Variants in SPAG16 observed in about 807,000 individuals in gnomAD.
SPAG16 encodes the protein sperm associated antigen 16, also known as sperm-associated antigen 16 protein.
In SPAG16, 86 loss-of-function variants were observed where a neutral mutation model predicts 80.4. The ratio of observed to expected loss-of-function variants is 1.07; its 90% CI spans 0.90 to 1.28. The LOEUF is 1.28. Among genes scored for constraint, SPAG16 ranks in the 50% most tolerant of loss-of-function variants. The probability of loss-of-function intolerance (pLI) is 0.00; values close to 1 mark genes in which losing one functional copy is unlikely to be tolerated. For missense variants in SPAG16, 870 were observed against 765.3 expected (o/e 1.14, Z -1.61); for synonymous variants, 294 against 265.9 (o/e 1.11, Z -1.03).
At chr2:214,047,194 C>G (rs1180820594) in intron 13 of SPAG16, among the ~76,000 whole-genome samples, 1 of 152,062 alleles carries the variant, frequency 6.6e-6, no homozygotes, top group Non-Finnish European at 1.5e-5. Flanking sequence ...TCCTAATATT[C>G]ATATGGAACC....
In SPAG16 at chr2:213,354,688, T is replaced by G. The variant is rs547163427; in HGVS notation, c.762+4043T>G. On this transcript the variant is annotated intron_variant, in intron 7 of 15. Coordinates refer to ENST00000331683, the MANE Select transcript of SPAG16 (RefSeq NM_024532.5). ...CTGTTGGCTGCATAAATGTCTTCTT[T>G]TGAGAAGTATCTGTTCATATACTTT... Among the ~76,000 whole-genome samples, 41 of 152,332 alleles carry G rather than the reference T, an allele frequency of 2.7e-4. No homozygotes were observed. The South Asian group carries it at 8.5e-3, about 32-fold the overall frequency.
chr2:213,461,945 C>G (rs1322452301), intron 9 of SPAG16, among the ~76,000 whole-genome samples: 1 of 151,970 alleles, frequency 6.6e-6, no homozygotes, highest in Non-Finnish European at 1.5e-5. Context: ...TAGTATTCTG[C>G]TTACTAAACT....
rs201948301 is a variant in SPAG16, at chr2:213,555,350, G to A, written c.1070+65260G>A. On this transcript the variant is annotated intron_variant, in intron 10 of 15. Transcript: ENST00000331683. ...TAATTGGATCATGGGGGCAGCTTCC[G>A]ACACACTGTTCTCATGATAGTAAGT... 5.9e-5 allele frequency among the ~76,000 whole-genome samples: 9 copies of A among 152,202 alleles called. No individual in the cohort carries two copies. The East Asian group carries it at 1.2e-3, about 20-fold the overall frequency.
At chr2:214,339,834 T>C (rs1366779105) in intron 15 of SPAG16, among the ~76,000 whole-genome samples, 1 of 152,142 alleles carries the variant, frequency 6.6e-6, no homozygotes, top group Non-Finnish European at 1.5e-5. Context: ...CAAAAGGGGT[T>C]TTGTAGATGT....
At chr2:213,810,027 C>A (rs2072033838) in intron 10 of SPAG16, among the ~76,000 whole-genome samples, 1 of 152,130 alleles carries the variant, frequency 6.6e-6, no homozygotes. Context: ...CCTAAGGGGG[C>A]TGACAGGTCA....
At chr2:214,191,254 C>T (rs1228240106) in intron 15 of SPAG16, among the ~76,000 whole-genome samples, 2 of 152,104 alleles carry the variant, frequency 1.3e-5, no homozygotes, top group African/African-American at 4.8e-5. Context: ...TTCAATAATG[C>T]TTATCAGAAC....
chr2:213,329,756 A>C (rs1172898253), intron 5 of SPAG16, among the ~76,000 whole-genome samples: 6 of 152,206 alleles, frequency 3.9e-5, no homozygotes, highest in Non-Finnish European at 8.8e-5. Context: ...AAATGTCTCC[A>C]GGGCATGTCA....
At chr2:214,094,644 A>G (rs900431343) in intron 13 of SPAG16, among the ~76,000 whole-genome samples, 5 of 152,142 alleles carry the variant, frequency 3.3e-5, no homozygotes, top group Non-Finnish European at 7.4e-5. Flanking sequence ...CTTGAGACCT[A>G]CTCACAGAAC....
intron 15 of SPAG16, among the ~76,000 whole-genome samples, chr2:214,247,928 T>G (rs1689967126): frequency 6.6e-6 from 1 of 151,862 alleles, no homozygotes; most frequent in Admixed American, 6.6e-5. Context: ...CTCAGGATGC[T>G]GAAGCAGCAG....
At chr2:214,275,145 C>T (rs891616466) in intron 15 of SPAG16, among the ~76,000 whole-genome samples, 22 of 152,050 alleles carry the variant, frequency 1.4e-4, no homozygotes, top group Non-Finnish European at 2.5e-4. Flanking sequence ...TGGTGATATC[C>T]GCTTTACCAT....
At chr2:214,108,439 TCACACACA>T (rs71037342) in intron 14 of SPAG16, among the ~76,000 whole-genome samples, 178 bp downstream of exon 14, 10 of 125,030 alleles carry the variant, frequency 8.0e-5, no homozygotes, top group East Asian at 2.4e-4. Context: ...ATTTTAAAAT[TCACACACA>T]CACACACACA....
chr2:214,325,103 G>A (rs1049645598), intron 15 of SPAG16, among the ~76,000 whole-genome samples: 3 of 152,166 alleles, frequency 2.0e-5, no homozygotes, highest in Non-Finnish European at 4.4e-5. Flanking sequence ...CAATGGTGAT[G>A]TTTGTCATAA....
intron 15 of SPAG16, among the ~76,000 whole-genome samples, chr2:214,404,960 A>G (rs923491773): frequency 3.3e-5 from 5 of 152,160 alleles, no homozygotes; most frequent in Non-Finnish European, 7.3e-5. Context: ...CAAGAACATG[A>G]GTATTTTAGT....
At chr2:213,986,723 A>G (rs969039245) in intron 12 of SPAG16, among the ~76,000 whole-genome samples, 3 of 151,792 alleles carry the variant, frequency 2.0e-5, no homozygotes, top group Non-Finnish European at 4.4e-5. Context: ...GAGACATAAT[A>G]GGTTTTAAAC....
chr2:213,960,217 C>T (rs189099909), intron 12 of SPAG16, among the ~76,000 whole-genome samples: 116 of 152,098 alleles, frequency 7.6e-4, no homozygotes, highest in African/African-American at 2.5e-3. Flanking sequence ...CATTTCTTTT[C>T]GGATTTTCTC....
intron 10 of SPAG16, among the ~76,000 whole-genome samples, chr2:213,615,535 G>T (rs1034971837): frequency 6.6e-6 from 1 of 152,112 alleles, no homozygotes; most frequent in African/African-American, 2.4e-5. Flanking sequence ...AGGTTGCAGC[G>T]AGCTGAGATC....
At chr2:213,943,663 T>A (rs2079311587) in intron 12 of SPAG16, among the ~76,000 whole-genome samples, 1 of 152,206 alleles carries the variant, frequency 6.6e-6, no homozygotes, top group Non-Finnish European at 1.5e-5. Flanking sequence ...TCCTCCTGAC[T>A]GCTTATAGTA....
chr2:213,901,447 C>T lies in SPAG16; in HGVS notation c.1215-28513C>T, dbSNP rs371242337. 2.0e-5 allele frequency among the ~76,000 whole-genome samples: 3 copies of T among 152,144 alleles called. No individual in the cohort carries two copies. In the South Asian group the frequency reaches 6.2e-4, roughly 31 times the overall value. ...ATTGAGCAATAGCCTCAACAACAAC[C>T]TTTCAGTAATGCCCATAAGACCATG... On this transcript the variant is annotated intron_variant, in intron 11 of 15. Transcript: ENST00000331683.
intron 15 of SPAG16, among the ~76,000 whole-genome samples, chr2:214,356,035 G>T (rs1698774599): frequency 1.8e-5 from 2 of 111,268 alleles, no homozygotes; most frequent in Admixed American, 1.1e-4. Flanking sequence ...GGTGGGGGGA[G>T]GGGGGAGGGA....
Sources: gnomAD v4.1 joint callset for allele counts (sites outside exome capture counted in the v4.1 genomes callset) on GRCh38, gnomAD v4.1.1 for gene constraint, MANE v1.5 for transcripts, NCBI Gene and HGNC (gene_info 2026-07-23, HGNC 2026-07-21) for gene names.